SMCHD1: variants seen among roughly 807,000 people sequenced by gnomAD.
SMCHD1 encodes the protein structural maintenance of chromosomes flexible hinge domain containing 1, also known as structural maintenance of chromosomes flexible hinge domain-containing protein 1.
A neutral mutation model predicts 254.7 loss-of-function variants in SMCHD1; 78 were observed. That is an observed-to-expected ratio of 0.31 (90% CI 0.26 to 0.37). The LOEUF is 0.37. SMCHD1 is among the 10% of genes least tolerant of loss of function. SMCHD1 has a pLI of 1.00. For missense variants in SMCHD1, 1,840 were observed against 2,408.1 expected, an observed-to-expected ratio of 0.76 and a Z score of 4.94; for synonymous variants, 766 against 794.9, an observed-to-expected ratio of 0.96 and a Z score of 0.61.
In SMCHD1 at chr18:2,802,578, G is replaced by C. The variant is rs1203242567; in HGVS notation, c.*26G>C. 6.5e-7 allele frequency: 1 copy of C among 1,545,942 alleles called. No individual in the cohort carries two copies. Among genetic ancestry groups the C allele is most frequent in the Admixed American group, 2.0e-5 (1 of 50,366 alleles). On this transcript the variant is annotated 3_prime_UTR_variant, in exon 48 of 48. Transcript: ENST00000320876. ...GAGGTGACAGAGAGAAGAGGCCATTGGTCTCAGTAAGAATGCCCTGCTTTC... is the reference window on the plus strand; with the variant it reads ...GAGGTGACAGAGAGAAGAGGCCATTCGTCTCAGTAAGAATGCCCTGCTTTC...
At chr18:2,797,602 A>G (rs893997724) in intron 47 of SMCHD1, among the ~76,000 whole-genome samples, 5 of 152,254 alleles carry the variant, frequency 3.3e-5, no homozygotes, top group African/African-American at 7.2e-5. Flanking sequence ...AATTCTATGC[A>G]GTAGAGGGAC....
At chr18:2,778,497 T>C (rs1340431752) in intron 44 of SMCHD1, among the ~76,000 whole-genome samples, 6 of 152,176 alleles carry the variant, frequency 3.9e-5, no homozygotes, top group Non-Finnish European at 5.9e-5. Context: ...GTCAGGTAAT[T>C]TTGGTGTAAA....
intron 33 of SMCHD1, among the ~76,000 whole-genome samples, 180 bp downstream of exon 33, chr18:2,751,573 G>T (rs1255512704): frequency 6.6e-6 from 1 of 152,068 alleles, no homozygotes; most frequent in African/African-American, 2.4e-5. Context: ...AAAGATTGAT[G>T]CTATTGAAAA....
chr18:2,703,230 A>G (rs750500515), intron 12 of SMCHD1, among the ~76,000 whole-genome samples: 2 of 152,096 alleles, frequency 1.3e-5, no homozygotes, highest in Non-Finnish European at 2.9e-5. Context: ...AAATTTTACT[A>G]CTGCAGATTT....
In SMCHD1 at chr18:2,666,632, T is replaced by C. The variant is rs137971240; in HGVS notation, c.263-238T>C. On this transcript the variant is annotated intron_variant, in intron 2 of 47. Transcript: ENST00000320876. Reference sequence around the variant, plus strand: ...CACTACGCTATTTTAGATTCTCGTCTGATTTCCTGTGATAGTTTAACTTAT... The same window carrying C: ...CACTACGCTATTTTAGATTCTCGTCCGATTTCCTGTGATAGTTTAACTTAT... Among the ~76,000 whole-genome samples the C allele has an allele frequency of 4.0e-3, 602 of 152,336 alleles. 7 individuals carry two copies. The highest frequency in any genetic ancestry group is 0.014 in the African/African-American group (574 of 41,566).
At chr18:2,667,092 G>A (rs576957973) in intron 3 of SMCHD1, 61 bp downstream of exon 3, 288 of 1,186,910 alleles carry the variant, frequency 2.4e-4, no homozygotes, top group Middle Eastern at 1.9e-3. Context: ...CCCTGATTAC[G>A]TATCCCATTC....
chr18:2,789,595 T>C lies in SMCHD1; in HGVS notation c.5719+4974T>C, dbSNP rs559656293. Among the ~76,000 whole-genome samples the C allele has an allele frequency of 2.2e-3, 332 of 152,286 alleles. 3 individuals are homozygous for C. The highest frequency in any genetic ancestry group is 7.8e-3 in the African/African-American group (323 of 41,564). On this transcript the variant is annotated intron_variant, in intron 45 of 47. Coordinates refer to ENST00000320876, the MANE Select transcript of SMCHD1 (RefSeq NM_015295.3). Reference sequence around the variant, plus strand: ...CAGCTTACATTTTTCAACTTCACAGTAGTGTGAAACCAATACACATTCAGT... The same window carrying C: ...CAGCTTACATTTTTCAACTTCACAGCAGTGTGAAACCAATACACATTCAGT...
intron 14 of SMCHD1, among the ~76,000 whole-genome samples, chr18:2,706,121 A>G (rs2143238175): frequency 6.6e-6 from 1 of 152,302 alleles, no homozygotes; most frequent in East Asian, 1.9e-4. Flanking sequence ...GAGTAACTAC[A>G]AAACTGGAGT....
At chr18:2,705,945 G>T in intron 14 of SMCHD1, 138 bp downstream of exon 14, 1 of 527,928 alleles carries the variant, frequency 1.9e-6, no homozygotes. Context: ...ATTTTTATGT[G>T]TCATAAGTTG....
At chr18:2,800,186 T>C (rs1195685718) in intron 47 of SMCHD1, among the ~76,000 whole-genome samples, 2 of 151,786 alleles carry the variant, frequency 1.3e-5, no homozygotes, top group Non-Finnish European at 2.9e-5. Flanking sequence ...CAACTCTCCC[T>C]GTTTGGGAGT....
chr18:2,673,799 G>A (rs1207916583), intron 4 of SMCHD1, among the ~76,000 whole-genome samples: 1 of 152,138 alleles, frequency 6.6e-6, no homozygotes, highest in Non-Finnish European at 1.5e-5. Context: ...AAGTTGAATT[G>A]TGAGAAATGG....
chr18:2,770,830 G>C (rs6506030), intron 39 of SMCHD1, among the ~76,000 whole-genome samples: 1 of 151,870 alleles, frequency 6.6e-6, no homozygotes, highest in Non-Finnish European at 1.5e-5. Flanking sequence ...CATGTTGGCC[G>C]GGCTGGTCTC....
At chr18:2,717,716 TTC>T (rs944390274) in intron 17 of SMCHD1, among the ~76,000 whole-genome samples, 24 of 152,344 alleles carry the variant, frequency 1.6e-4, no homozygotes, top group African/African-American at 4.3e-4. Flanking sequence ...TTGACTGCTT[TTC>T]TCTCTCTTTC....
intron 45 of SMCHD1, 118 bp downstream of exon 45, chr18:2,784,739 TGTAA>T (rs2076211565): frequency 1.8e-5 from 21 of 1,157,494 alleles, no homozygotes; most frequent in Non-Finnish European, 2.2e-5. Flanking sequence ...AAGTAACAAA[TGTAA>T]GTAAGATGTT....
At chr18:2,773,346 TCATC>T (rs1163539721) in intron 41 of SMCHD1, among the ~76,000 whole-genome samples, 1 of 152,252 alleles carries the variant, frequency 6.6e-6, no homozygotes. Context: ...TTTTAATAGT[TCATC>T]CAATACAAAA....
At chr18:2,658,876 A>G (rs966557442) in intron 1 of SMCHD1, among the ~76,000 whole-genome samples, 2 of 149,936 alleles carry the variant, frequency 1.3e-5, no homozygotes, top group African/African-American at 5.0e-5. Context: ...ATACACACAT[A>G]CACACATATA....
intron 17 of SMCHD1, among the ~76,000 whole-genome samples, chr18:2,709,695 A>G (rs988163746): frequency 2.9e-4 from 44 of 152,040 alleles, no homozygotes; most frequent in Non-Finnish European, 3.5e-4. Context: ...TTATGGGCTA[A>G]TTGCCATCTG....
intron 25 of SMCHD1, among the ~76,000 whole-genome samples, chr18:2,735,887 G>A (rs1281963310): frequency 1.3e-5 from 2 of 152,048 alleles, no homozygotes; most frequent in Non-Finnish European, 2.9e-5. Context: ...ATTTTTCACA[G>A]AATTGGAAAA....
chr18:2,666,266 A>G (rs775816391), intron 2 of SMCHD1, 34 bp downstream of exon 2: 17 of 1,012,634 alleles, frequency 1.7e-5, no homozygotes, highest in African/African-American at 3.2e-5. Flanking sequence ...TGATGCTTTT[A>G]TATTTAATAA....
Sources: allele counts gnomAD v4.1 joint callset (sites outside exome capture counted in the v4.1 genomes callset), GRCh38; gene constraint gnomAD v4.1.1; transcripts MANE v1.5; gene names NCBI Gene and HGNC (gene_info 2026-07-23, HGNC 2026-07-21).